The following ARHGAP8 variants were observed in gnomAD, a reference collection of about 807,000 sequenced individuals.
ARHGAP8 encodes Rho GTPase activating protein 8.
In ARHGAP8, 62 loss-of-function variants were observed where a neutral mutation model predicts 46.1. The ratio of observed to expected loss-of-function variants is 1.34; its 90% CI spans 1.10 to 1.66. The LOEUF (loss-of-function observed/expected upper bound fraction) is 1.66, where lower values mean the gene tolerates loss of function less well. Among genes scored for constraint, ARHGAP8 ranks in the 40% most tolerant of loss-of-function variants. ARHGAP8 has a pLI of 0.00. For synonymous variants in ARHGAP8, 375 were observed against 243.1 expected (o/e 1.54, Z -5.05); for missense variants, 923 against 568.4 (o/e 1.62, Z -6.34).
In ARHGAP8 at chr22:44,786,445, T is replaced by A. The variant is rs755668019; in HGVS notation, c.-71-12T>A. 7 of 1,528,232 alleles carry A rather than the reference T, an allele frequency of 4.6e-6. No individual in the cohort carries two copies. The South Asian group carries it at 8.2e-5, about 18-fold the overall frequency. 94.7% of individuals were successfully genotyped at this position (1,528,232 alleles called of 1,614,324 possible). Reference sequence around the variant, plus strand: ...AGAATGCACTGACTTCCTTTAATCTTCTTTGCCGCAGAGCTGCAGAGAGAC... The same window carrying A: ...AGAATGCACTGACTTCCTTTAATCTACTTTGCCGCAGAGCTGCAGAGAGAC... On this transcript the variant is annotated splice_polypyrimidine_tract_variant and intron_variant, in intron 1 of 11. Transcript: ENST00000356099.
At chr22:44,828,338 G>A (rs1482161251) in intron 7 of ARHGAP8, among the ~76,000 whole-genome samples, 3 of 152,136 alleles carry the variant, frequency 2.0e-5, no homozygotes, top group South Asian at 2.1e-4. Context: ...AATGCTGGGC[G>A]GGGCAGGCAC....
intron 1 of ARHGAP8, among the ~76,000 whole-genome samples, chr22:44,772,253 T>TTTTTTTC: frequency 2.7e-5 from 2 of 73,286 alleles, no homozygotes; most frequent in Non-Finnish European, 5.3e-5. Flanking sequence ...TTTTTTTTTT[T>TTTTTTTC]CAAGACTGAG....
At chr22:44,830,532 T>C (rs763648643) in intron 7 of ARHGAP8, among the ~76,000 whole-genome samples, 27 of 151,238 alleles carry the variant, frequency 1.8e-4, no homozygotes, top group Non-Finnish European at 4.0e-4. Context: ...TATTTTCTTT[T>C]ATTTATTTTA....
At chr22:44,842,134 G>A (rs552915185) in intron 7 of ARHGAP8, among the ~76,000 whole-genome samples, 2 of 152,272 alleles carry the variant, frequency 1.3e-5, no homozygotes, top group South Asian at 2.1e-4. Context: ...TGGGGCGGGC[G>A]GATCACATGG....
chr22:44,816,131 C>T (rs1156481178), intron 5 of ARHGAP8, among the ~76,000 whole-genome samples: 1 of 148,556 alleles, frequency 6.7e-6, no homozygotes, highest in African/African-American at 2.5e-5. Flanking sequence ...TTGCCATCTC[C>T]CCCCTCGGCT....
rs757951817 is a variant in ARHGAP8, at chr22:44,862,567, C to T, written c.1274C>T (p.Pro425Leu). 8 of 1,592,212 alleles carry T rather than the reference C, an allele frequency of 5.0e-6. No individual in the cohort carries two copies. The African/African-American group carries it at 9.4e-5, about 19-fold the overall frequency. ...GLTKPTLPPS[P>L]LMAARRRL ...ACCAAGCCTACCCTACCTCCGAGTC[C>T]CCTGATGGCAGCCAGAAGACGTCTC... The change falls in exon 12 of 12, where the codon CCC becomes CTC. Residue 425 changes from proline to leucine, a missense_variant. Transcript: ENST00000356099.
intron 1 of ARHGAP8, among the ~76,000 whole-genome samples, chr22:44,753,421 A>G (rs548142125): frequency 1.3e-5 from 2 of 152,064 alleles, no homozygotes; most frequent in South Asian, 4.2e-4. Flanking sequence ...GGGTTTCACC[A>G]TGTTGTCCAG....
At chr22:44,774,783 A>G (rs1455632590) in intron 1 of ARHGAP8, among the ~76,000 whole-genome samples, 1 of 151,448 alleles carries the variant, frequency 6.6e-6, no homozygotes, top group African/African-American at 2.4e-5. Context: ...CAGCCTCCCA[A>G]AGTGTTGGAA....
At chr22:44,780,894 C>A (rs1477125764) in intron 1 of ARHGAP8, among the ~76,000 whole-genome samples, 1 of 152,192 alleles carries the variant, frequency 6.6e-6, no homozygotes, top group Non-Finnish European at 1.5e-5. Flanking sequence ...GTGCTAGGTT[C>A]TGTTTCCCAT....
chr22:44,859,047 C>G (rs770821377), intron 10 of ARHGAP8, among the ~76,000 whole-genome samples: 18 of 151,662 alleles, frequency 1.2e-4, no homozygotes, highest in Non-Finnish European at 8.8e-5. Context: ...TGGGCCAGAT[C>G]TAAGCCATGG....
In ARHGAP8 at chr22:44,848,958, G is replaced by A. The variant is rs150614994; in HGVS notation, c.775G>A (p.Gly259Arg). The change falls in exon 10 of 12, where the codon GGG becomes AGG. Residue 259 changes from glycine (G) to arginine (R), a missense_variant. By Grantham distance (125) the Gly-to-Arg change is moderately radical. Transcript: ENST00000356099. The stretch of plus-strand genomic sequence containing the variant: ...GAAGCCCGTGAACTTTGACGACTAC[G>A]GGGACATTCACATCCCTGCCGTGAT... ...QGKPVNFDDYGDIHIPAVILK... is the reference protein window; with the variant it reads ...QGKPVNFDDYRDIHIPAVILK... 6.4e-5 allele frequency: 103 copies of A among 1,613,988 alleles called. No homozygotes were observed. The highest frequency in any genetic ancestry group is 7.6e-5 in the Non-Finnish European group (90 of 1,180,042).
chr22:44,752,618 C>G lies in ARHGAP8; in HGVS notation c.-81C>G, dbSNP rs1172467827. On this transcript the variant is annotated 5_prime_UTR_variant, in exon 1 of 12. Coordinates refer to ENST00000356099, the MANE Select transcript of ARHGAP8 (RefSeq NM_181335.3). ...GCACGCAGGTGGGGGCCGGCGGGGTCCGTGGCCAGGTAAGGCGGGCGGCGG... is the reference window on the plus strand; with the variant it reads ...GCACGCAGGTGGGGGCCGGCGGGGTGCGTGGCCAGGTAAGGCGGGCGGCGG... 1.3e-5 allele frequency: 2 copies of G among 150,756 alleles called. No homozygotes were observed. Among genetic ancestry groups the G allele is most frequent in the East Asian group, 2.0e-4 (1 of 4,996 alleles). 9.3% of individuals were successfully genotyped at this position (150,756 alleles called of 1,614,324 possible). A position where few individuals can be genotyped will look rare whatever the true frequency, so the allele number is the denominator to read the frequency against.
At chr22:44,859,070 C>T (rs915544339) in intron 10 of ARHGAP8, among the ~76,000 whole-genome samples, 4 of 151,074 alleles carry the variant, frequency 2.6e-5, no homozygotes, top group African/African-American at 9.7e-5. Flanking sequence ...CGTAGTTTGC[C>T]AACCCCTGGT....
chr22:44,828,229 A>G (rs1029875248), intron 7 of ARHGAP8, among the ~76,000 whole-genome samples: 7 of 152,204 alleles, frequency 4.6e-5, no homozygotes, highest in Admixed American at 4.6e-4. Flanking sequence ...CACACATTTT[A>G]CTACCAAATA....
chr22:44,805,798 A>T (rs1389023771), intron 3 of ARHGAP8, among the ~76,000 whole-genome samples: 1 of 152,236 alleles, frequency 6.6e-6, no homozygotes, highest in Non-Finnish European at 1.5e-5. Context: ...CCCGTACATT[A>T]TCCTCCCTAT....
intron 5 of ARHGAP8, among the ~76,000 whole-genome samples, chr22:44,816,976 C>T (rs947570174): frequency 1.3e-5 from 2 of 151,026 alleles, no homozygotes; most frequent in Admixed American, 1.3e-4. Flanking sequence ...ACCTCTGCCT[C>T]CTGGGTTCAA....
At chr22:44,826,696 G>A (rs1051411199) in intron 7 of ARHGAP8, among the ~76,000 whole-genome samples, 1 of 152,208 alleles carries the variant, frequency 6.6e-6, no homozygotes, top group Non-Finnish European at 1.5e-5. Context: ...AAAGTGCTGG[G>A]ATTGCAGGTG....
intron 2 of ARHGAP8, among the ~76,000 whole-genome samples, chr22:44,800,185 C>T (rs1408812280): frequency 6.7e-6 from 1 of 149,304 alleles, no homozygotes; most frequent in Non-Finnish European, 1.5e-5. Flanking sequence ...CTCGCTGCAA[C>T]CTCTGCCTTC....
chr22:44,762,183 A>G (rs1413541065), intron 1 of ARHGAP8, among the ~76,000 whole-genome samples: 1 of 152,206 alleles, frequency 6.6e-6, no homozygotes, highest in Non-Finnish European at 1.5e-5. Flanking sequence ...TGTGCCTGTG[A>G]TCCCAGTGAG....
Sources: gnomAD v4.1 joint callset for allele counts (sites outside exome capture counted in the v4.1 genomes callset) on GRCh38, gnomAD v4.1.1 for gene constraint, MANE v1.5 for transcripts, NCBI Gene and HGNC (gene_info 2026-07-23, HGNC 2026-07-21) for gene names.